Variants in FAM185A observed in about 807,000 individuals in gnomAD.
The protein encoded by FAM185A is protein FAM185A.
In FAM185A, 21 loss-of-function variants were observed where a neutral mutation model predicts 45.7. That is an observed-to-expected ratio of 0.46 (90% CI 0.33 to 0.66). FAM185A has a LOEUF of 0.66. FAM185A is among the 30% of genes least tolerant of loss of function. The pLI is 0.03. For synonymous variants in FAM185A, 117 were observed against 194.0 expected (o/e 0.60, Z 3.30); for missense variants, 305 against 485.4 (o/e 0.63, Z 3.49).
chr7:102,831,826 G>A, the FAM185A span, among the ~76,000 whole-genome samples: 1 of 151,852 alleles, frequency 6.6e-6, no homozygotes. Context: ...TTATCCATAT[G>A]GGCCCTCACT....
the FAM185A span, chr7:102,816,327 C>T: frequency 2.0e-5 from 3 of 152,360 alleles, no homozygotes; most frequent in South Asian, 6.2e-4. Flanking sequence ...CAAGGGTGGT[C>T]CTAGGGAAAA....
Position 102,808,442 on chromosome 7 carries a change from C to A in FAM185A, c.*40C>A. Reference sequence around the variant, plus strand: ...GGATTTATGATTTTTAACAATGATTCGCAGATCTGTGACTACAAAAATGTA... The same window carrying A: ...GGATTTATGATTTTTAACAATGATTAGCAGATCTGTGACTACAAAAATGTA... On this transcript the variant is annotated 3_prime_UTR_variant, in exon 8 of 8. Transcript: ENST00000413034. 4.1e-6 allele frequency: 5 copies of A among 1,207,662 alleles called. No homozygotes were observed. The highest frequency in any genetic ancestry group is 2.6e-5 in the South Asian group (2 of 76,608). The allele number at this position is 1,207,662 out of a possible 1,614,324, so 74.8% of individuals were successfully genotyped here.
At chr7:102,818,600 T>C in the FAM185A span, among the ~76,000 whole-genome samples, 1 of 152,144 alleles carries the variant, frequency 6.6e-6, no homozygotes, top group African/African-American at 2.4e-5. Flanking sequence ...TCTCCTAGAA[T>C]GCCTGAGCAG....
chr7:102,758,025 A>G, intron 3 of FAM185A, 79 bp downstream of exon 3: 2 of 1,536,454 alleles, frequency 1.3e-6, no homozygotes, highest in East Asian at 2.5e-5. Context: ...TAGGTTCTAC[A>G]AAGTTCGTAG....
At chr7:102,817,937 A>G in the FAM185A span, among the ~76,000 whole-genome samples, 1 of 152,230 alleles carries the variant, frequency 6.6e-6, no homozygotes, top group Non-Finnish European at 1.5e-5. Flanking sequence ...AGTATAGAAC[A>G]GTGATTTTCA....
chr7:102,795,012 T>C (rs1294104483), intron 7 of FAM185A, among the ~76,000 whole-genome samples: 1 of 152,198 alleles, frequency 6.6e-6, no homozygotes, highest in African/African-American at 2.4e-5. Context: ...AGAAGGACAG[T>C]ATGACTTTAA....
intron 7 of FAM185A, among the ~76,000 whole-genome samples, chr7:102,797,578 A>G (rs1173381208): frequency 6.6e-6 from 1 of 152,090 alleles, no homozygotes; most frequent in African/African-American, 2.4e-5. Context: ...GTTAAAAATA[A>G]TAAAATTTCA....
intron 3 of FAM185A, among the ~76,000 whole-genome samples, chr7:102,758,187 A>G (rs1474165380): frequency 1.3e-5 from 2 of 152,144 alleles, no homozygotes; most frequent in South Asian, 2.1e-4. Context: ...AAAAACTTAA[A>G]TGCTTACTAT....
At chr7:102,798,545 A>G (rs1400753511) in intron 7 of FAM185A, among the ~76,000 whole-genome samples, 1 of 152,146 alleles carries the variant, frequency 6.6e-6, no homozygotes, top group Non-Finnish European at 1.5e-5. Context: ...TTTTCACTCC[A>G]TAAGTAAGAA....
chr7:102,780,864 T>A (rs1173238778), intron 6 of FAM185A, among the ~76,000 whole-genome samples: 1 of 152,262 alleles, frequency 6.6e-6, no homozygotes, highest in Non-Finnish European at 1.5e-5. Flanking sequence ...GGGCGAGGCA[T>A]CACCTCACCC....
chr7:102,801,489 G>T (rs58367848), intron 7 of FAM185A, among the ~76,000 whole-genome samples: 9,465 of 152,246 alleles, frequency 0.062, 337 homozygotes, highest in South Asian at 0.13. Context: ...ACTGCTTGAA[G>T]AGACTCACCT....
chr7:102,811,657 T>C (rs139601231), downstream of FAM185A, among the ~76,000 whole-genome samples: 1 of 152,356 alleles, frequency 6.6e-6, no homozygotes, highest in African/African-American at 2.4e-5. Context: ...TAGAAAGCAA[T>C]TGCCTCTTTT....
At chr7:102,839,184 C>T in the FAM185A span, among the ~76,000 whole-genome samples, 4 of 152,196 alleles carry the variant, frequency 2.6e-5, no homozygotes, top group Admixed American at 6.5e-5. Context: ...ATCTGGCTTA[C>T]GTGCACATCC....
At chr7:102,749,986 T>C (rs909700771) in intron 1 of FAM185A, among the ~76,000 whole-genome samples, 6 of 152,254 alleles carry the variant, frequency 3.9e-5, no homozygotes, top group African/African-American at 9.6e-5. Context: ...TTGAAGTTTC[T>C]TGACAATTCA....
chr7:102,826,229 C>T, the FAM185A span, among the ~76,000 whole-genome samples: 1,091 of 152,144 alleles, frequency 7.2e-3, 18 homozygotes, highest in African/African-American at 0.025. Context: ...AAAAACCCGC[C>T]TTGAAGATGG....
intron 5 of FAM185A, among the ~76,000 whole-genome samples, chr7:102,776,216 T>C (rs1424967085): frequency 6.6e-6 from 1 of 150,986 alleles, no homozygotes; most frequent in Non-Finnish European, 1.5e-5. Flanking sequence ...AACCTCCTGA[T>C]AAAATATGCT....
chr7:102,843,218 C>T, the FAM185A span, among the ~76,000 whole-genome samples: 5 of 152,060 alleles, frequency 3.3e-5, no homozygotes, highest in Non-Finnish European at 5.9e-5. Context: ...CTGAGACAGG[C>T]GGATCACCTG....
At chr7:102,783,224 A>C (rs1311592684) in intron 6 of FAM185A, among the ~76,000 whole-genome samples, 1 of 151,788 alleles carries the variant, frequency 6.6e-6, no homozygotes, top group Admixed American at 6.6e-5. Context: ...CCCTACTGTC[A>C]GCATTAGACA....
At chr7:102,826,724 CATATATATAT>C in the FAM185A span, among the ~76,000 whole-genome samples, 450 of 62,722 alleles carry the variant, frequency 7.2e-3, 9 homozygotes, top group African/African-American at 0.011. Context: ...GACCCTGTCT[CATATATATAT>C]ATATATATAT....
Sources: allele counts gnomAD v4.1 joint callset (sites outside exome capture counted in the v4.1 genomes callset), GRCh38; gene constraint gnomAD v4.1.1; transcripts MANE v1.5; gene names NCBI Gene and HGNC (gene_info 2026-07-23, HGNC 2026-07-21).